The following SNX18 variants were observed in gnomAD, a reference collection of about 807,000 sequenced individuals.
SNX18 encodes sorting nexin 18.
In SNX18, 35 loss-of-function variants were observed where a neutral mutation model predicts 48.7. The observed-to-expected ratio is 0.72, with a 90% confidence interval of 0.55 to 0.95. The LOEUF (loss-of-function observed/expected upper bound fraction) is 0.95. Ranked by LOEUF, SNX18 falls within the 40% of genes least tolerant of loss-of-function variation. The probability of loss-of-function intolerance (pLI) is 0.00; values close to 1 mark genes in which losing one functional copy is unlikely to be tolerated. For missense variants in SNX18, 824 were observed against 871.0 expected, an observed-to-expected ratio of 0.95 and a Z score of 0.68; for synonymous variants, 492 against 384.7, an observed-to-expected ratio of 1.28 and a Z score of -3.26.
chr5:54,547,042 T>C (rs1166257179), downstream of SNX18, among the ~76,000 whole-genome samples: 3 of 152,240 alleles, frequency 2.0e-5, no homozygotes, highest in Admixed American at 6.5e-5. Context: ...TTGTGGGGCT[T>C]TGTAGTCTTG....
chr5:54,537,399 A>T (rs1762378137), intron 1 of SNX18, among the ~76,000 whole-genome samples: 2 of 152,248 alleles, frequency 1.3e-5, no homozygotes, highest in South Asian at 4.1e-4. Flanking sequence ...AAATCGTAAT[A>T]TGCTCATGCT....
chr5:54,595,624 C>T, the SNX18 span, among the ~76,000 whole-genome samples: 2 of 152,222 alleles, frequency 1.3e-5, no homozygotes, highest in Non-Finnish European at 2.9e-5. Flanking sequence ...ACATTCCCTT[C>T]TCTCTGCAGC....
At chr5:54,636,242 G>A in the SNX18 span, among the ~76,000 whole-genome samples, 3 of 152,244 alleles carry the variant, frequency 2.0e-5, no homozygotes, top group Non-Finnish European at 2.9e-5. Context: ...ATTCAGAAGT[G>A]GGCCTGAACG....
chr5:54,645,479 GA>G, the SNX18 span: 12 of 152,358 alleles, frequency 7.9e-5, no homozygotes, highest in African/African-American at 2.9e-4. Context: ...AAACTTCTTG[GA>G]AGAGATGTCA....
At position 54,518,159 on chromosome 5, in the gene SNX18, C is replaced by T. The variant is rs898850886; in HGVS notation, c.207C>T (p.Asp69=). Residue 69 remains aspartate, a synonymous_variant, in exon 1 of 2, where the codon GAC becomes GAT. Coordinates refer to ENST00000381410, the MANE Select transcript of SNX18 (RefSeq NM_001102575.2). ...CCCCCGAGCCTGGCCCGGCGGGAGA[C>T]GGCGGCCCGGGCGCCCCGGCCCGCT... is the stretch of plus-strand genomic sequence containing the variant. ...IRAPEPGPAG[D]GGPGAPARYA... is the part of the protein sequence containing the mutation. 35 of 1,389,932 alleles carry T rather than the reference C, an allele frequency of 2.5e-5. No individual in the cohort carries two copies. Among genetic ancestry groups the T allele is most frequent in the Non-Finnish European group, 3.2e-5 (34 of 1,078,884 alleles). The allele number at this position is 1,389,932 out of a possible 1,614,324, so 86.1% of individuals were successfully genotyped here.
chr5:54,555,382 T>C, the SNX18 span, among the ~76,000 whole-genome samples: 2 of 152,014 alleles, frequency 1.3e-5, no homozygotes, highest in Non-Finnish European at 2.9e-5. Context: ...ACCTTTCTTT[T>C]TTTTTTTTTT....
rs1688329884 is a variant in SNX18, at chr5:54,542,317, T to A, written c.1622-862T>A. ...CCCCCACCCCTGCAACACCCTCTGT[T>A]GATACTTCTAGGCATGAGATTATGG... is the stretch of plus-strand genomic sequence containing the variant. On this transcript the variant is annotated intron_variant, in intron 1 of 1. Coordinates refer to ENST00000381410, the MANE Select transcript of SNX18 (RefSeq NM_001102575.2). 2.0e-5 allele frequency among the ~76,000 whole-genome samples: 3 copies of A among 152,320 alleles called. No individual in the cohort carries two copies. In the South Asian group the frequency reaches 6.2e-4, roughly 32 times the overall value.
At chr5:54,570,052 A>T in the SNX18 span, among the ~76,000 whole-genome samples, 1 of 152,238 alleles carries the variant, frequency 6.6e-6, no homozygotes, top group Non-Finnish European at 1.5e-5. Context: ...CTTTACTTAA[A>T]AACAGGGCCT....
At chr5:54,571,074 T>A in the SNX18 span, among the ~76,000 whole-genome samples, 1 of 152,178 alleles carries the variant, frequency 6.6e-6, no homozygotes. Context: ...TTGCACCCCT[T>A]GGTCCCTTTC....
At chr5:54,641,071 A>G in the SNX18 span, among the ~76,000 whole-genome samples, 1 of 152,116 alleles carries the variant, frequency 6.6e-6, no homozygotes, top group East Asian at 1.9e-4. Context: ...TAAAAAGAAA[A>G]AAAAAATCAG....
the SNX18 span, among the ~76,000 whole-genome samples, chr5:54,572,765 T>TATATATATATA: frequency 9.0e-6 from 1 of 110,660 alleles, no homozygotes; most frequent in African/African-American, 3.5e-5. Flanking sequence ...TATATATATA[T>TATATATATATA]ATATATATAT....
the SNX18 span, among the ~76,000 whole-genome samples, chr5:54,583,092 C>T: frequency 6.6e-6 from 1 of 152,154 alleles, no homozygotes; most frequent in Admixed American, 6.5e-5. Context: ...GTTCCTGTTT[C>T]CCCAACCAGA....
At chr5:54,550,442 A>T (rs546562931), downstream of SNX18, among the ~76,000 whole-genome samples, 11 of 152,232 alleles carry the variant, frequency 7.2e-5, no homozygotes, top group South Asian at 2.1e-4. Flanking sequence ...TATCATTTTT[A>T]AAAAAAACAA....
At chr5:54,556,904 G>A in the SNX18 span, among the ~76,000 whole-genome samples, 3 of 152,194 alleles carry the variant, frequency 2.0e-5, no homozygotes, top group African/African-American at 7.2e-5. Context: ...TTTACATTAA[G>A]AAGCTGATAG....
chr5:54,631,543 G>A, the SNX18 span, among the ~76,000 whole-genome samples: 16 of 152,156 alleles, frequency 1.1e-4, 1 homozygote, highest in African/African-American at 3.9e-4. Flanking sequence ...TGTTATTCAC[G>A]TGACTTTTAT....
chr5:54,539,825 T>C (rs1334392624), intron 1 of SNX18, among the ~76,000 whole-genome samples: 2 of 151,920 alleles, frequency 1.3e-5, no homozygotes, highest in African/African-American at 4.8e-5. Flanking sequence ...CTTTGGGTTT[T>C]TTTGTTTTGT....
At chr5:54,531,149 T>C (rs998973290) in intron 1 of SNX18, among the ~76,000 whole-genome samples, 2 of 152,050 alleles carry the variant, frequency 1.3e-5, no homozygotes, top group African/African-American at 4.8e-5. Flanking sequence ...CTCCTGTTGG[T>C]TGGGCAGAGA....
In SNX18 at chr5:54,527,361, G is replaced by T. The variant is rs918497055; in HGVS notation, c.1621+7788G>T. Among the ~76,000 whole-genome samples, 5 of 150,196 alleles carry T rather than the reference G, an allele frequency of 3.3e-5. No homozygotes were observed. The South Asian group carries it at 6.3e-4, about 19-fold the overall frequency. On this transcript the variant is annotated intron_variant, in intron 1 of 1. Transcript: ENST00000381410. ...ACAGAGGTGGTGGTCGGGGAGCCGGGGGGGGGGGTCCCCCTCCAGCTATAT... is the reference window on the plus strand; with the variant it reads ...ACAGAGGTGGTGGTCGGGGAGCCGGTGGGGGGGGTCCCCCTCCAGCTATAT...
At chr5:54,628,164 A>C in the SNX18 span, among the ~76,000 whole-genome samples, 5 of 152,132 alleles carry the variant, frequency 3.3e-5, no homozygotes, top group African/African-American at 7.2e-5. Context: ...ACTGCAGGAT[A>C]ATCATTTGGA....
Sources: gnomAD v4.1 joint callset for allele counts (sites outside exome capture counted in the v4.1 genomes callset) on GRCh38, gnomAD v4.1.1 for gene constraint, MANE v1.5 for transcripts, NCBI Gene and HGNC (gene_info 2026-07-23, HGNC 2026-07-21) for gene names.